The following FAM107B variants were observed in gnomAD, a reference collection of about 807,000 sequenced individuals.
FAM107B encodes protein FAM107B.
FAM107B carries 21 observed loss-of-function variants against 31.5 expected under a neutral mutation model. The ratio of observed to expected loss-of-function variants is 0.67; its 90% confidence interval spans 0.47 to 0.96. The LOEUF (loss-of-function observed/expected upper bound fraction) is 0.96, where lower values mean the gene tolerates loss of function less well. Ranked by LOEUF, FAM107B falls within the 40% of genes least tolerant of loss-of-function variation. The pLI is 0.00. For missense variants in FAM107B, 452 were observed against 377.1 expected (o/e 1.20, Z -1.64); for synonymous variants, 157 against 141.5 (o/e 1.11, Z -0.78).
At chr10:14,767,079 G>GAGAGAGAGAGAGAGAGAGAGAC (rs1431970613) in intron 1 of FAM107B, among the ~76,000 whole-genome samples, 1 of 97,318 alleles carries the variant, frequency 1.0e-5, no homozygotes, top group Non-Finnish European at 2.1e-5. Flanking sequence ...GAGAGAGAGA[G>GAGAGAGAGAGAGAGAGAGAGAC]AGAGAGAGAG....
intron 2 of FAM107B, among the ~76,000 whole-genome samples, chr10:14,619,708 T>TAAA (rs3995551): frequency 0.2 from 20,965 of 103,878 alleles, 2,519 homozygotes; most frequent in Non-Finnish European, 0.25. Context: ...GTGTCCTAGC[T>TAAA]AAAAAAAAAA....
intron 2 of FAM107B, among the ~76,000 whole-genome samples, chr10:14,534,024 G>C (rs960870818): frequency 1.3e-5 from 2 of 152,154 alleles, no homozygotes; most frequent in Non-Finnish European, 2.9e-5. Flanking sequence ...GTTTTTCCGT[G>C]GGACAGTGTG....
In FAM107B at chr10:14,521,917, T is replaced by G; in HGVS notation, c.756A>C (p.Lys252Asn). 1 of 1,614,210 alleles carries G rather than the reference T, an allele frequency of 6.2e-7. No individual in the cohort carries two copies. Among genetic ancestry groups the G allele is most frequent in the Non-Finnish European group, 8.5e-7 (1 of 1,180,040 alleles). Reference protein sequence around the residue: ...KQKEEEAQKKKSDLEIELLKR... With the variant: ...KQKEEEAQKKNSDLEIELLKR... ...TTAATAGCTCTATTTCCAAGTCAGA[T>G]TTCTTCTTCTGTGCTTCTTCTTCCT... The change falls in exon 4 of 5, where the codon AAA (lysine) becomes AAC (asparagine). Residue 252 changes from lysine (K) to asparagine (N), a missense_variant. Transcript: ENST00000181796.
intron 2 of FAM107B, among the ~76,000 whole-genome samples, chr10:14,628,183 C>T (rs958663720): frequency 5.9e-5 from 8 of 136,282 alleles, no homozygotes; most frequent in Middle Eastern, 4.7e-3. Context: ...GTGGCGCGAT[C>T]TCAGGTCACT....
At chr10:14,610,851 G>A (rs1852707523) in intron 2 of FAM107B, among the ~76,000 whole-genome samples, 1 of 152,154 alleles carries the variant, frequency 6.6e-6, no homozygotes, top group African/African-American at 2.4e-5. Context: ...TGAGTACTTT[G>A]CCAATTCTAG....
chr10:14,663,711 G>T (rs956122276), intron 2 of FAM107B, among the ~76,000 whole-genome samples: 14 of 152,066 alleles, frequency 9.2e-5, no homozygotes, highest in Admixed American at 4.6e-4. Flanking sequence ...ACTAAGAAAG[G>T]CCTCCAATGT....
chr10:14,735,666 G>T (rs1316507262), intron 1 of FAM107B, among the ~76,000 whole-genome samples: 1 of 152,196 alleles, frequency 6.6e-6, no homozygotes, highest in Non-Finnish European at 1.5e-5. Context: ...GGAAGAATGG[G>T]AAAACTCCTT....
At chr10:14,538,241 T>A (rs756988498) in intron 2 of FAM107B, among the ~76,000 whole-genome samples, 16 of 152,172 alleles carry the variant, frequency 1.1e-4, no homozygotes, top group Non-Finnish European at 2.1e-4. Context: ...TTAAAATATA[T>A]CAATATAAAT....
At chr10:14,662,336 G>A (rs1331663789) in intron 2 of FAM107B, among the ~76,000 whole-genome samples, 1 of 151,136 alleles carries the variant, frequency 6.6e-6, no homozygotes, top group African/African-American at 2.4e-5. Context: ...CTGTGTAACT[G>A]CTGCTGGAGG....
At chr10:14,525,647 C>T (rs1846150155) in intron 3 of FAM107B, among the ~76,000 whole-genome samples, 1 of 152,188 alleles carries the variant, frequency 6.6e-6, no homozygotes, top group Non-Finnish European at 1.5e-5. Flanking sequence ...CCCATATAAA[C>T]ATGCCACAAT....
intron 1 of FAM107B, among the ~76,000 whole-genome samples, chr10:14,750,807 G>A (rs1365904823): frequency 4.6e-5 from 7 of 152,212 alleles, no homozygotes; most frequent in African/African-American, 1.7e-4. Flanking sequence ...AAATTACCTG[G>A]GTGGTGCATG....
intron 2 of FAM107B, among the ~76,000 whole-genome samples, chr10:14,594,730 A>C (rs1450655196): frequency 6.6e-6 from 1 of 152,078 alleles, no homozygotes; most frequent in Non-Finnish European, 1.5e-5. Context: ...TGATCATGGC[A>C]CCTCTCATGG....
intron 2 of FAM107B, among the ~76,000 whole-genome samples, chr10:14,618,064 T>TC: frequency 6.6e-6 from 1 of 152,294 alleles, no homozygotes; most frequent in South Asian, 2.1e-4. Context: ...TTGACTCATG[T>TC]CCCCTTGTGG....
chr10:14,670,778 T>G (rs559354675), intron 1 of FAM107B, among the ~76,000 whole-genome samples: 44 of 152,358 alleles, frequency 2.9e-4, no homozygotes, highest in Admixed American at 2.9e-3. Flanking sequence ...GGGAAGGATG[T>G]TGGAAATGCT....
At chr10:14,568,347 GGCT>G (rs1850857754) in intron 2 of FAM107B, among the ~76,000 whole-genome samples, 1 of 152,022 alleles carries the variant, frequency 6.6e-6, no homozygotes, top group Admixed American at 6.5e-5. Context: ...GGGAGGAGGA[GGCT>G]GGCTGATGAT....
chr10:14,750,262 G>T (rs1832801025), intron 1 of FAM107B, among the ~76,000 whole-genome samples: 1 of 152,192 alleles, frequency 6.6e-6, no homozygotes, highest in South Asian at 2.1e-4. Flanking sequence ...GAAACCAGGG[G>T]AGCCACATCG....
In FAM107B at chr10:14,676,715, G is replaced by A. The variant is rs183863812; in HGVS notation, c.412-9024C>T. On this transcript the variant is annotated intron_variant, in intron 1 of 4. Coordinates refer to ENST00000181796, the MANE Select transcript of FAM107B (RefSeq NM_031453.4). ...TGCAGTATGTCAGAGAAACTGCACT[G>A]TATGTGTGCACTTAATCCATAACAA... Among the ~76,000 whole-genome samples, 6 of 152,328 alleles carry A rather than the reference G, an allele frequency of 3.9e-5. No individual in the cohort carries two copies. In the East Asian group the frequency reaches 9.6e-4, roughly 24 times the overall value.
chr10:14,544,635 T>C (rs527452491), intron 2 of FAM107B, among the ~76,000 whole-genome samples: 36 of 152,340 alleles, frequency 2.4e-4, no homozygotes, highest in African/African-American at 8.2e-4. Flanking sequence ...TGAAACACCC[T>C]TGAACGCAGT....
chr10:14,589,824 T>C lies in FAM107B; in HGVS notation c.470-59309A>G, dbSNP rs186739605. Among the ~76,000 whole-genome samples the C allele has an allele frequency of 6.3e-3, 961 of 152,210 alleles. 8 individuals are homozygous for C. The highest frequency in any genetic ancestry group is 0.01 in the Middle Eastern group (3 of 294). On this transcript the variant is annotated intron_variant, in intron 2 of 4. Coordinates refer to ENST00000181796, the MANE Select transcript of FAM107B (RefSeq NM_031453.4). Reference sequence around the variant, plus strand: ...CAGAACATAAAGCAAAATTTAAAAATTTTAAAAATTAAAAAAAAGAAAAGC... The same window carrying C: ...CAGAACATAAAGCAAAATTTAAAAACTTTAAAAATTAAAAAAAAGAAAAGC...
Sources: allele counts gnomAD v4.1 joint callset (sites outside exome capture counted in the v4.1 genomes callset), GRCh38; gene constraint gnomAD v4.1.1; transcripts MANE v1.5; gene names NCBI Gene and HGNC (gene_info 2026-07-23, HGNC 2026-07-21).